Variants in CADM1 observed in about 807,000 individuals in gnomAD.
The protein encoded by CADM1 is cell adhesion molecule 1.
CADM1 carries 15 observed loss-of-function variants against 53.1 expected under a neutral mutation model. The observed-to-expected ratio is 0.28, with a 90% CI of 0.19 to 0.44. The LOEUF is 0.44. Among genes scored for constraint, CADM1 ranks in the 20% least tolerant of loss-of-function variants. The pLI is 1.00. For missense variants in CADM1, 434 were observed against 611.3 expected (o/e 0.71, Z 3.06); for synonymous variants, 281 against 243.0 (o/e 1.16, Z -1.45).
chr11:115,245,765 G>A (rs1467652444), intron 1 of CADM1, among the ~76,000 whole-genome samples: 1 of 152,142 alleles, frequency 6.6e-6, no homozygotes, highest in African/African-American at 2.4e-5. Context: ...TAAACACAGT[G>A]TTCACTACAA....
At chr11:115,192,970 T>C (rs1234319650) in intron 9 of CADM1, among the ~76,000 whole-genome samples, 1 of 152,218 alleles carries the variant, frequency 6.6e-6, no homozygotes, top group Non-Finnish European at 1.5e-5. Flanking sequence ...TTTGTAGCAC[T>C]ATTATATTGT....
At position 115,244,567 on chromosome 11, in the gene CADM1, TGAGACAGAGCGATTTAAATAAACTGC is replaced by T. The variant is rs763325123; in HGVS notation, c.125-4173_125-4148del. Among the ~76,000 whole-genome samples the T allele has an allele frequency of 1.9e-4, 29 of 152,254 alleles. 1 individual carries two copies. The Middle Eastern group carries it at 0.017, about 89-fold the overall frequency. ...ATCCCCGCTTTAGAGATGAAAAACC[TGAGACAGAGCGATTTAAATAAACTGC>T]CTGATGTCATTCAGCTAAGTGGCCA... On this transcript the variant is annotated intron_variant, in intron 1 of 11. Coordinates refer to ENST00000331581, the MANE Select transcript of CADM1 (RefSeq NM_001301043.2).
At chr11:115,376,914 T>C (rs922197264) in intron 1 of CADM1, among the ~76,000 whole-genome samples, 2 of 152,158 alleles carry the variant, frequency 1.3e-5, no homozygotes, top group Non-Finnish European at 2.9e-5. Flanking sequence ...GTGGTATATT[T>C]TGACAACAGC....
At chr11:115,238,195 G>A (rs929914696) in intron 3 of CADM1, among the ~76,000 whole-genome samples, 2 of 152,066 alleles carry the variant, frequency 1.3e-5, no homozygotes, top group East Asian at 1.9e-4. Context: ...AAAAAATCCC[G>A]GTAGTTAGAA....
At chr11:115,317,302 G>A (rs997453763) in intron 1 of CADM1, among the ~76,000 whole-genome samples, 1 of 152,112 alleles carries the variant, frequency 6.6e-6, no homozygotes, top group Non-Finnish European at 1.5e-5. Context: ...AACACCTGGA[G>A]ATGAACACGA....
At chr11:115,395,207 C>T (rs1415040295) in intron 1 of CADM1, among the ~76,000 whole-genome samples, 1 of 152,148 alleles carries the variant, frequency 6.6e-6, no homozygotes, top group African/African-American at 2.4e-5. Context: ...AGCAGGCATT[C>T]AGGATTTCTT....
intron 1 of CADM1, among the ~76,000 whole-genome samples, chr11:115,367,815 T>C (rs1221272436): frequency 4.6e-5 from 7 of 152,192 alleles, no homozygotes; most frequent in Non-Finnish European, 2.9e-5. Context: ...ACTTTATATA[T>C]CCAAATTCAA....
chr11:115,409,543 A>G (rs1296125039), intron 1 of CADM1, among the ~76,000 whole-genome samples: 1 of 152,136 alleles, frequency 6.6e-6, no homozygotes, highest in Non-Finnish European at 1.5e-5. Context: ...GCCCACCAAG[A>G]TAAAAGACAT....
chr11:115,391,998 T>C (rs1408897261), intron 1 of CADM1, among the ~76,000 whole-genome samples: 1 of 152,088 alleles, frequency 6.6e-6, no homozygotes, highest in Admixed American at 6.5e-5. Flanking sequence ...ACTAACAATA[T>C]CACCACAAAG....
intron 1 of CADM1, among the ~76,000 whole-genome samples, chr11:115,279,501 C>G (rs960289851): frequency 6.6e-6 from 1 of 152,096 alleles, no homozygotes; most frequent in Non-Finnish European, 1.5e-5. Context: ...AGTTAAAACC[C>G]CAGGGATTTG....
intron 1 of CADM1, among the ~76,000 whole-genome samples, chr11:115,469,694 CAG>C (rs1948970035): frequency 1.0e-5 from 1 of 99,318 alleles, no homozygotes; most frequent in East Asian, 3.6e-4. Context: ...TTTTTCGAGA[CAG>C]AGTCTCTCTC....
chr11:115,400,157 C>G (rs751878549), intron 1 of CADM1, among the ~76,000 whole-genome samples: 9 of 152,026 alleles, frequency 5.9e-5, no homozygotes, highest in Non-Finnish European at 1.0e-4. Context: ...GCTATAAAAA[C>G]TTAAACAAAT....
chr11:115,200,862 T>C (rs897997375), intron 8 of CADM1, among the ~76,000 whole-genome samples: 1 of 152,174 alleles, frequency 6.6e-6, no homozygotes, highest in African/African-American at 2.4e-5. Flanking sequence ...GAGTAAGACC[T>C]AAGGGTTAGA....
At chr11:115,237,945 T>C (rs1565316867) in intron 3 of CADM1, among the ~76,000 whole-genome samples, 1 of 152,244 alleles carries the variant, frequency 6.6e-6, no homozygotes, top group Non-Finnish European at 1.5e-5. Context: ...AACTCTTTTA[T>C]GTCCAATGAC....
At chr11:115,301,241 A>G (rs994339895) in intron 1 of CADM1, among the ~76,000 whole-genome samples, 1 of 152,016 alleles carries the variant, frequency 6.6e-6, no homozygotes, top group Non-Finnish European at 1.5e-5. Flanking sequence ...TTTTTTCAAA[A>G]GAGGGATAGG....
intron 5 of CADM1, among the ~76,000 whole-genome samples, chr11:115,223,127 T>G (rs1247585550): frequency 1.3e-5 from 2 of 152,178 alleles, no homozygotes; most frequent in Admixed American, 1.3e-4. Flanking sequence ...CCTTCCACCT[T>G]TACTACTGAT....
chr11:115,437,362 A>G (rs1295035825), intron 1 of CADM1, among the ~76,000 whole-genome samples: 1 of 152,248 alleles, frequency 6.6e-6, no homozygotes. Context: ...TAGACAAGAC[A>G]TGAGTCCAAT....
At chr11:115,239,717 T>A (rs1217665504) in intron 2 of CADM1, among the ~76,000 whole-genome samples, 1 of 151,790 alleles carries the variant, frequency 6.6e-6, no homozygotes, top group Non-Finnish European at 1.5e-5. Context: ...TTTTTGGTTT[T>A]TTTTTTTTTC....
intron 1 of CADM1, among the ~76,000 whole-genome samples, chr11:115,421,339 T>G (rs1052037428): frequency 3.9e-5 from 6 of 152,230 alleles, no homozygotes; most frequent in African/African-American, 1.4e-4. Context: ...TTCTTTTGCT[T>G]ACAACTACTT....
Sources: gnomAD v4.1 joint callset for allele counts (sites outside exome capture counted in the v4.1 genomes callset) on GRCh38, gnomAD v4.1.1 for gene constraint, MANE v1.5 for transcripts, NCBI Gene and HGNC (gene_info 2026-07-23, HGNC 2026-07-21) for gene names.